Variants in ROBO4 observed in about 807,000 individuals in gnomAD.
ROBO4 encodes the protein roundabout guidance receptor 4.
ROBO4 carries 80 observed loss-of-function variants against 103.3 expected under a neutral mutation model. The ratio of observed to expected loss-of-function variants is 0.77; its 90% CI spans 0.65 to 0.93. The LOEUF (loss-of-function observed/expected upper bound fraction) is 0.93, where lower values mean the gene tolerates loss of function less well. ROBO4 is among the 40% of genes least tolerant of loss of function. The pLI, the probability that ROBO4 is intolerant of heterozygous loss-of-function variation, is 0.00. For synonymous variants in ROBO4, 504 were observed against 529.7 expected, an observed-to-expected ratio of 0.95 and a Z score of 0.67; for missense variants, 1,333 against 1,305.3, an observed-to-expected ratio of 1.02 and a Z score of -0.33.
In ROBO4 at chr11:124,895,782, C is replaced by T. The variant is rs1185209566; in HGVS notation, c.807+3G>A. On this transcript the variant is annotated splice_donor_region_variant and intron_variant, in intron 5 of 17. Coordinates refer to ENST00000306534, the MANE Select transcript of ROBO4 (RefSeq NM_019055.6). Reference sequence around the variant, plus strand: ...GCTTTTACCCTTAGCACCTGGTCCTCACCTTCCAGCTGAGCCACACCGCCG... The same window carrying T: ...GCTTTTACCCTTAGCACCTGGTCCTTACCTTCCAGCTGAGCCACACCGCCG... 2.5e-6 allele frequency: 4 copies of T among 1,614,026 alleles called. No homozygotes were observed. Among genetic ancestry groups the T allele is most frequent in the East Asian group, 2.2e-5 (1 of 44,886 alleles).
At position 124,887,369 on chromosome 11, in the gene ROBO4, A is replaced by C; in HGVS notation, c.2187T>G (p.Ser729Arg). 1.2e-6 allele frequency: 2 copies of C among 1,613,500 alleles called. No individual in the cohort carries two copies. Among genetic ancestry groups the C allele is most frequent in the Non-Finnish European group, 1.7e-6 (2 of 1,179,816 alleles). Reference sequence around the variant, plus strand: ...CCATGCCCTCTTACTGGGTCTGTTGACTCTGAGTTGGGGGAGTTTCATGAG... The same window carrying C: ...CCATGCCCTCTTACTGGGTCTGTTGCCTCTGAGTTGGGGGAGTTTCATGAG... ...LFPHETPPTQ[S>R]QQTQPPVAPQ... The change falls in exon 14 of 18, where the codon AGT becomes AGG. Residue 729 changes from serine (S) to arginine (R), a missense_variant. Coordinates refer to ENST00000306534, the MANE Select transcript of ROBO4 (RefSeq NM_019055.6).
chr11:124,895,067 G>A lies in ROBO4; in HGVS notation c.1149+14C>T. The A allele has an allele frequency of 6.3e-7, 1 of 1,574,844 alleles. No homozygotes were observed. Among genetic ancestry groups the A allele is most frequent in the Non-Finnish European group, 8.7e-7 (1 of 1,144,164 alleles). On this transcript the variant is annotated intron_variant, in intron 7 of 17. Transcript: ENST00000306534. ...GGCAGCAGTAGGAAGGGCTATGACA[G>A]CTAGTGGGGGTACCTGGTAGCCACG...
At chr11:124,896,151 C>A (rs1278428769) in intron 4 of ROBO4, 47 bp downstream of exon 4, 2 of 1,604,998 alleles carry the variant, frequency 1.2e-6, no homozygotes, top group African/African-American at 2.7e-5. Flanking sequence ...ACCACCCCAA[C>A]TGGAGCCTGC....
intron 16 of ROBO4, 101 bp downstream of exon 16, chr11:124,886,363 T>A: frequency 2.2e-6 from 2 of 902,568 alleles, no homozygotes; most frequent in Non-Finnish European, 3.5e-6. Context: ...GATACAATAA[T>A]CATTCAATAA....
chr11:124,886,224 T>G (rs1319381712), intron 16 of ROBO4, among the ~76,000 whole-genome samples: 1 of 152,188 alleles, frequency 6.6e-6, no homozygotes, highest in East Asian at 1.9e-4. Context: ...CCTTGTTCTG[T>G]GGGTGAACTT....
intron 10 of ROBO4, 144 bp downstream of exon 10, chr11:124,893,544 C>T (rs570806314): frequency 1.3e-6 from 1 of 752,646 alleles, no homozygotes; most frequent in African/African-American, 1.7e-5. Flanking sequence ...GAGAAATGAA[C>T]TATCAGTTGG....
intron 7 of ROBO4, among the ~76,000 whole-genome samples, chr11:124,894,824 G>A (rs890556703): frequency 5.9e-5 from 9 of 152,182 alleles, no homozygotes; most frequent in African/African-American, 1.9e-4. Context: ...TCTTATTCCT[G>A]TGGCCTTTGC....
rs746653023 is a variant in ROBO4, at chr11:124,897,005, CAGG to C, written c.324_326del (p.Asp108_Leu109delinsGlu). ...TGCTGGCCTCACATGTGTAGACACC[CAGG>C]TCTGTGGACAGGGCCTGGCCATCGT... On this transcript the variant is annotated inframe_deletion, in exon 2 of 18. Transcript: ENST00000306534. The C allele has an allele frequency of 6.2e-7, 1 of 1,614,134 alleles. No homozygotes were observed. Among genetic ancestry groups the C allele is most frequent in the African/African-American group, 1.3e-5 (1 of 75,072 alleles).
Position 124,897,233 on chromosome 11 carries a change from C to A in ROBO4, c.99G>T (p.Gln33His). The change falls in exon 2 of 18, where the codon CAG (glutamine) becomes CAT (histidine). Residue 33 changes from glutamine (Q) to histidine (H), a missense_variant. By Grantham distance (24) the Gln-to-His change is conservative (BLOSUM62 0). Transcript: ENST00000306534. ...MGGMAQDSPP[Q>H]ILVHPQDQLF... Reference sequence around the variant, plus strand: ...GCTGGTCCTGGGGGTGGACTAGGATCTGGGGCGGGGAGTCCTGAGCCATGC... The same window carrying A: ...GCTGGTCCTGGGGGTGGACTAGGATATGGGGCGGGGAGTCCTGAGCCATGC... The A allele has an allele frequency of 6.8e-7, 1 of 1,461,426 alleles. No homozygotes were observed. The highest frequency in any genetic ancestry group is 9.0e-7 in the Non-Finnish European group (1 of 1,106,746). 90.5% of individuals were successfully genotyped at this position (1,461,426 alleles called of 1,614,324 possible). A position where few individuals can be genotyped will look rare whatever the true frequency, so the allele number is the denominator to read the frequency against.
intron 12 of ROBO4, among the ~76,000 whole-genome samples, chr11:124,889,376 A>G (rs565934964): frequency 3.3e-5 from 5 of 152,292 alleles, no homozygotes; most frequent in African/African-American, 1.2e-4. Context: ...CCAGGCCTGG[A>G]AAAGGCCACT....
chr11:124,895,069 T>C lies in ROBO4; in HGVS notation c.1149+12A>G. 6.3e-7 allele frequency: 1 copy of C among 1,584,052 alleles called. No homozygotes were observed. Among genetic ancestry groups the C allele is most frequent in the South Asian group, 1.1e-5 (1 of 90,472 alleles). Reference sequence around the variant, plus strand: ...CAGCAGTAGGAAGGGCTATGACAGCTAGTGGGGGTACCTGGTAGCCACGGA... The same window carrying C: ...CAGCAGTAGGAAGGGCTATGACAGCCAGTGGGGGTACCTGGTAGCCACGGA... On this transcript the variant is annotated intron_variant, in intron 7 of 17. Transcript: ENST00000306534.
chr11:124,896,276 C>T lies in ROBO4; in HGVS notation c.601G>A (p.Asp201Asn), dbSNP rs765362188. Residue 201 changes from aspartate (D) to asparagine (N), a missense_variant, in exon 4 of 18, where the codon GAC becomes AAC. Asp to Asn is a conservative substitution (Grantham distance 23). Coordinates refer to ENST00000306534, the MANE Select transcript of ROBO4 (RefSeq NM_019055.6). ...SLLMARAEKS[D>N]EGTYMCVATN... Reference sequence around the variant, plus strand: ...GCCACACACATGTAGGTCCCTTCGTCACTCTTCTCTGCTCTTGCCATCAGC... The same window carrying T: ...GCCACACACATGTAGGTCCCTTCGTTACTCTTCTCTGCTCTTGCCATCAGC... The T allele has an allele frequency of 1.9e-6, 3 of 1,614,172 alleles. No homozygotes were observed. Among genetic ancestry groups the T allele is most frequent in the South Asian group, 2.2e-5 (2 of 91,084 alleles).
rs375794169 is a variant in ROBO4 at position 124,885,052 on chromosome 11, G to T, written c.2990C>A (p.Pro997His). 1.9e-5 allele frequency: 30 copies of T among 1,614,034 alleles called. No homozygotes were observed. The highest frequency in any genetic ancestry group is 2.5e-5 in the Non-Finnish European group (30 of 1,180,016). ...SQRSQLHCRM[P>H]KAGASPVDYS Reference sequence around the variant, plus strand: ...AGACAGACACTCACCACCAGCCTTGGGCATACGACAGTGGAGCTGACTTCT... The same window carrying T: ...AGACAGACACTCACCACCAGCCTTGTGCATACGACAGTGGAGCTGACTTCT... The change falls in exon 17 of 18, where the codon CCC becomes CAC. Residue 997 changes from proline (P) to histidine (H), a missense_variant. Coordinates refer to ENST00000306534, the MANE Select transcript of ROBO4 (RefSeq NM_019055.6).
Position 124,895,916 on chromosome 11 carries a change from T to G in ROBO4, c.680-4A>C. 1 of 1,613,326 alleles carries G rather than the reference T, an allele frequency of 6.2e-7. No homozygotes were observed. The highest frequency in any genetic ancestry group is 8.5e-7 in the Non-Finnish European group (1 of 1,179,942). ...GGCTCCGTGTAGTCCTGGGGCTCTG[T>G]GGGGAGGATAGGGCTGGGCTGGGGC... is the stretch of plus-strand genomic sequence containing the variant. On this transcript the variant is annotated splice_region_variant and splice_polypyrimidine_tract_variant and intron_variant, in intron 4 of 17. Coordinates refer to ENST00000306534, the MANE Select transcript of ROBO4 (RefSeq NM_019055.6).
chr11:124,885,330 C>A, intron 16 of ROBO4, 83 bp from the exon 17 acceptor site: 2 of 1,173,708 alleles, frequency 1.7e-6, no homozygotes, highest in East Asian at 2.4e-5. Flanking sequence ...TTAGGACCAG[C>A]TCAGGGCATG....
Position 124,891,347 on chromosome 11 carries a change from G to A in ROBO4, c.1900C>T (p.Arg634Cys), listed in dbSNP as rs145535350. The A allele has an allele frequency of 7.8e-5, 120 of 1,535,624 alleles. No individual in the cohort carries two copies. The highest frequency in any genetic ancestry group is 9.1e-5 in the Non-Finnish European group (104 of 1,142,798). Residue 634 changes from arginine to cysteine, a missense_variant, in exon 12 of 18, where the codon CGC becomes TGC. Coordinates refer to ENST00000306534, the MANE Select transcript of ROBO4 (RefSeq NM_019055.6). The part of the protein sequence containing the change: ...LCSRRGLSSP[R>C]LSLAPAEAWK... ...GCCTCTGCAGGGGCCAGAGACAAGC[G>A]GGGAGAAGAGAGTCCCCTGCGGCTG...
Position 124,893,748 on chromosome 11 carries a change from G to A in ROBO4, c.1505-18C>T. 1 of 1,612,152 alleles carries A rather than the reference G, an allele frequency of 6.2e-7. No homozygotes were observed. Among genetic ancestry groups the A allele is most frequent in the Non-Finnish European group, 8.5e-7 (1 of 1,179,864 alleles). On this transcript the variant is annotated intron_variant, in intron 9 of 17. Coordinates refer to ENST00000306534, the MANE Select transcript of ROBO4 (RefSeq NM_019055.6). Reference sequence around the variant, plus strand: ...GTACAGACCTGGGAGAAGGCAGGAGGAAAGCTAAATCCAGAGGCTGGATCA... The same window carrying A: ...GTACAGACCTGGGAGAAGGCAGGAGAAAAGCTAAATCCAGAGGCTGGATCA...
intron 10 of ROBO4, chr11:124,893,108 C>G (rs1017230029): frequency 6.4e-6 from 1 of 157,368 alleles, no homozygotes; most frequent in African/African-American, 2.4e-5. Flanking sequence ...GTACAAAACT[C>G]AGACAACGGG....
intron 12 of ROBO4, among the ~76,000 whole-genome samples, chr11:124,890,812 G>C (rs1719487161): frequency 6.6e-6 from 1 of 152,222 alleles, no homozygotes. Flanking sequence ...GGGAGTCGGT[G>C]CCCAAGCACA....
Sources: gnomAD v4.1 joint callset for allele counts (sites outside exome capture counted in the v4.1 genomes callset) on GRCh38, gnomAD v4.1.1 for gene constraint, MANE v1.5 for transcripts, NCBI Gene and HGNC (gene_info 2026-07-23, HGNC 2026-07-21) for gene names.